CRISPLD2: variants seen among roughly 807,000 people sequenced by gnomAD.
CRISPLD2 encodes the protein cysteine-rich secretory protein LCCL domain-containing 2.
Under a neutral mutation model 71.1 loss-of-function variants are expected in CRISPLD2, and 47 were observed. The ratio of observed to expected loss-of-function variants is 0.66; its 90% CI spans 0.52 to 0.84. The LOEUF (loss-of-function observed/expected upper bound fraction) is 0.84. CRISPLD2 is among the 40% of genes least tolerant of loss of function. CRISPLD2 has a pLI of 0.00. For synonymous variants in CRISPLD2, 317 were observed against 250.1 expected, an observed-to-expected ratio of 1.27 and a Z score of -2.52; for missense variants, 830 against 651.1, an observed-to-expected ratio of 1.27 and a Z score of -2.99.
intron 14 of CRISPLD2, among the ~76,000 whole-genome samples, chr16:84,901,724 T>G (rs2071755984): frequency 1.3e-5 from 2 of 150,764 alleles, no homozygotes; most frequent in South Asian, 4.2e-4. Context: ...GTGATCCACC[T>G]GCCTCAACCT....
At chr16:84,887,977 G>A (rs2071627871) in intron 13 of CRISPLD2, among the ~76,000 whole-genome samples, 2 of 152,230 alleles carry the variant, frequency 1.3e-5, no homozygotes, top group Non-Finnish European at 2.9e-5. Flanking sequence ...GGACATTTTT[G>A]TGGACAGTGG....
intron 14 of CRISPLD2, among the ~76,000 whole-genome samples, chr16:84,891,116 GC>G (rs2071658434): frequency 6.6e-6 from 1 of 152,192 alleles, no homozygotes; most frequent in South Asian, 2.1e-4. Context: ...ATTCTGAGGT[GC>G]ACTTGAGGGT....
At chr16:84,844,688 A>G (rs955583063) in intron 2 of CRISPLD2, among the ~76,000 whole-genome samples, 1 of 151,398 alleles carries the variant, frequency 6.6e-6, no homozygotes, top group Non-Finnish European at 1.5e-5. Context: ...CTATCTTCCA[A>G]CTGAAATGCG....
At chr16:84,854,599 C>A (rs1332439780) in intron 5 of CRISPLD2, 130 bp from the exon 6 acceptor site, 1 of 698,366 alleles carries the variant, frequency 1.4e-6, no homozygotes, top group Admixed American at 2.2e-5. Flanking sequence ...CCGCTTCCCA[C>A]AGCACACAAC....
chr16:84,887,621 A>C (rs2071624581), intron 13 of CRISPLD2, among the ~76,000 whole-genome samples: 1 of 152,234 alleles, frequency 6.6e-6, no homozygotes, highest in African/African-American at 2.4e-5. Flanking sequence ...TCACGCCTGT[A>C]GTCCCAGCAC....
At chr16:84,904,132 G>A (rs2071780127) in intron 14 of CRISPLD2, among the ~76,000 whole-genome samples, 1 of 152,196 alleles carries the variant, frequency 6.6e-6, no homozygotes, top group Admixed American at 6.5e-5. Flanking sequence ...GGTGGCCCTT[G>A]GTAGGCTCCC....
intron 13 of CRISPLD2, among the ~76,000 whole-genome samples, chr16:84,887,432 T>C (rs1374823708): frequency 2.0e-5 from 3 of 152,222 alleles, no homozygotes; most frequent in Non-Finnish European, 2.9e-5. Context: ...GGAGTCCGTC[T>C]TCGTGCCCTG....
chr16:84,863,339 A>G (rs1329013478), intron 6 of CRISPLD2, among the ~76,000 whole-genome samples: 2 of 152,316 alleles, frequency 1.3e-5, no homozygotes, highest in Middle Eastern at 3.4e-3. Flanking sequence ...CAGACACCCA[A>G]TTTCTCTAGC....
chr16:84,832,146 C>G (rs1401316055), intron 1 of CRISPLD2, among the ~76,000 whole-genome samples: 2 of 152,234 alleles, frequency 1.3e-5, no homozygotes, highest in Admixed American at 6.5e-5. Flanking sequence ...TTCTAAAATC[C>G]CTTCAAACGA....
At chr16:84,892,110 G>C (rs900372684) in intron 14 of CRISPLD2, among the ~76,000 whole-genome samples, 1 of 152,108 alleles carries the variant, frequency 6.6e-6, no homozygotes, top group Non-Finnish European at 1.5e-5. Flanking sequence ...CCTATAAAGG[G>C]GGGAATAATA....
At chr16:84,881,576 G>A (rs1567699917) in intron 13 of CRISPLD2, among the ~76,000 whole-genome samples, 1 of 152,162 alleles carries the variant, frequency 6.6e-6, no homozygotes, top group Non-Finnish European at 1.5e-5. Context: ...CAAATCCAGG[G>A]AATCTTCTAG....
intron 6 of CRISPLD2, among the ~76,000 whole-genome samples, chr16:84,861,270 C>T (rs932656057): frequency 1.3e-5 from 2 of 152,254 alleles, no homozygotes; most frequent in East Asian, 3.9e-4. Flanking sequence ...TAGAACCACT[C>T]CTGGTACCAA....
At chr16:84,900,168 A>G (rs894298521) in intron 14 of CRISPLD2, among the ~76,000 whole-genome samples, 2 of 151,996 alleles carry the variant, frequency 1.3e-5, no homozygotes, top group African/African-American at 2.4e-5. Flanking sequence ...TTGCAGCTCC[A>G]TCTCTCCGAG....
At chr16:84,864,838 G>A (rs1222713563) in intron 6 of CRISPLD2, among the ~76,000 whole-genome samples, 1 of 152,184 alleles carries the variant, frequency 6.6e-6, no homozygotes, top group Non-Finnish European at 1.5e-5. Flanking sequence ...AACAGTGCAG[G>A]GTGACCCGTG....
intron 6 of CRISPLD2, among the ~76,000 whole-genome samples, chr16:84,866,421 A>T (rs554457705): frequency 6.6e-6 from 1 of 152,138 alleles, no homozygotes; most frequent in South Asian, 2.1e-4. Flanking sequence ...TTTTTAGTAG[A>T]GACGGGGTTT....
chr16:84,854,980 A>G (rs1470027374), intron 6 of CRISPLD2, 151 bp downstream of exon 6: 2 of 669,706 alleles, frequency 3.0e-6, no homozygotes, highest in Non-Finnish European at 5.4e-6. Context: ...CGCCTCCGTG[A>G]TGAGCTGAGC....
chr16:84,854,074 A>T (rs1050980330), intron 5 of CRISPLD2, among the ~76,000 whole-genome samples: 1 of 152,164 alleles, frequency 6.6e-6, no homozygotes, highest in East Asian at 1.9e-4. Context: ...GGGACCTTTG[A>T]TCCAGCCCCT....
At chr16:84,902,367 TG>T (rs2071762769) in intron 14 of CRISPLD2, among the ~76,000 whole-genome samples, 1 of 151,550 alleles carries the variant, frequency 6.6e-6, no homozygotes, top group Non-Finnish European at 1.5e-5. Flanking sequence ...TCCAGCACTT[TG>T]GGAGGCCGAG....
At chr16:84,837,592 AT>A (rs373906845) in intron 1 of CRISPLD2, among the ~76,000 whole-genome samples, 2,587 of 150,930 alleles carry the variant, frequency 0.017, 39 homozygotes, top group Middle Eastern at 0.041. Context: ...AATTTTTTGT[AT>A]TTTTTAGTAG....
Sources: allele counts gnomAD v4.1 joint callset (sites outside exome capture counted in the v4.1 genomes callset), GRCh38; gene constraint gnomAD v4.1.1; transcripts MANE v1.5; gene names NCBI Gene and HGNC (gene_info 2026-07-23, HGNC 2026-07-21).